The following SORCS1 variants were observed in gnomAD, a reference collection of about 807,000 sequenced individuals.
SORCS1 encodes sortilin related VPS10 domain containing receptor 1, also known as VPS10 domain-containing receptor SorCS1.
A neutral mutation model predicts 146.1 loss-of-function variants in SORCS1; 60 were observed. The ratio of observed to expected loss-of-function variants is 0.41; its 90% CI spans 0.33 to 0.51. The LOEUF (loss-of-function observed/expected upper bound fraction) is 0.51, where lower values mean the gene tolerates loss of function less well. Ranked by LOEUF, SORCS1 falls within the 20% of genes least tolerant of loss-of-function variation. The pLI is 0.21. For missense variants in SORCS1, 1,352 were observed against 1,487.6 expected (o/e 0.91, Z 1.50); for synonymous variants, 637 against 584.0 (o/e 1.09, Z -1.31).
At chr10:106,695,532 CT>C (rs1853630039) in intron 9 of SORCS1, among the ~76,000 whole-genome samples, 1 of 152,282 alleles carries the variant, frequency 6.6e-6, no homozygotes, top group Non-Finnish European at 1.5e-5. Context: ...TCTTTGCGGT[CT>C]TGCAAAAGTT....
chr10:106,917,648 T>C (rs1447851793), intron 2 of SORCS1, among the ~76,000 whole-genome samples: 1 of 152,162 alleles, frequency 6.6e-6, no homozygotes, highest in Non-Finnish European at 1.5e-5. Flanking sequence ...AAGGAAAATG[T>C]TTCCAGACAC....
intron 1 of SORCS1, among the ~76,000 whole-genome samples, chr10:106,983,105 AG>A (rs1956302785): frequency 7.5e-6 from 1 of 134,168 alleles, no homozygotes; most frequent in African/African-American, 2.7e-5. Flanking sequence ...ATCTCAGAGG[AG>A]GTTATATATA....
intron 2 of SORCS1, among the ~76,000 whole-genome samples, chr10:106,926,854 CACACACACACACAGAGAGAGAG>C (rs1953056886): frequency 9.5e-6 from 1 of 104,944 alleles, no homozygotes; most frequent in East Asian, 2.4e-4. Flanking sequence ...CACACACACA[CACACACACACACAGAGAGAGAG>C]AGAGAGAGAG....
intron 19 of SORCS1, among the ~76,000 whole-genome samples, chr10:106,623,595 T>C (rs979371212): frequency 2.0e-5 from 3 of 152,134 alleles, no homozygotes; most frequent in Non-Finnish European, 2.9e-5. Context: ...CTATATGTCA[T>C]TGTCTCAATG....
chr10:106,602,195 A>C (rs1234082417), intron 23 of SORCS1, among the ~76,000 whole-genome samples: 1 of 152,202 alleles, frequency 6.6e-6, no homozygotes, highest in Non-Finnish European at 1.5e-5. Flanking sequence ...ATTAATGGCA[A>C]AGCTACACTG....
rs1969952806 is a variant in SORCS1, at chr10:107,164,393, G to C, written c.134C>G (p.Ser45Cys). ...GSCCPSPHPS[S>C]APRSASTPRG... ...AGGGGTCGAGGCCGAGCGTGGAGCG[G>C]AGCTGGGGTGCGGCGAGGGGCAGCA... Residue 45 changes from serine to cysteine, a missense_variant, in exon 1 of 26, where the codon TCC (serine) becomes TGC (cysteine). Around this residue, in one of 3 missense-constraint regions of SORCS1, gnomAD observed 490 missense variants for 489.1 expected, o/e 1.00. Transcript: ENST00000263054. This position sits in a 1 kb window ranked among gnomAD's most constrained non-coding sequence, Gnocchi z 6.8. 1 of 1,438,086 alleles carries C rather than the reference G, an allele frequency of 7.0e-7. No homozygotes were observed. The highest frequency in any genetic ancestry group is 1.4e-5 in the African/African-American group (1 of 69,378). The allele number at this position is 1,438,086 out of a possible 1,614,324, so 89.1% of individuals were successfully genotyped here.
At chr10:106,660,960 G>C (rs534362191) in intron 17 of SORCS1, among the ~76,000 whole-genome samples, 1 of 152,114 alleles carries the variant, frequency 6.6e-6, no homozygotes, top group East Asian at 1.9e-4. Flanking sequence ...AGATTATCTT[G>C]GTTTCTTAGA....
chr10:107,055,168 C>G (rs1467146971), intron 1 of SORCS1, among the ~76,000 whole-genome samples: 1 of 152,168 alleles, frequency 6.6e-6, no homozygotes, highest in Admixed American at 6.5e-5. Flanking sequence ...GAAGAGCACA[C>G]CACATCACCT....
chr10:106,893,106 T>G (rs1224183958), intron 2 of SORCS1, among the ~76,000 whole-genome samples: 1 of 151,896 alleles, frequency 6.6e-6, no homozygotes, highest in Non-Finnish European at 1.5e-5. Flanking sequence ...TTTCACCATG[T>G]TGGCCAGGCT....
intron 3 of SORCS1, among the ~76,000 whole-genome samples, chr10:106,824,538 G>A (rs1382535544): frequency 3.3e-5 from 5 of 149,876 alleles, no homozygotes; most frequent in African/African-American, 7.4e-5. Flanking sequence ...GCAGTGAGCC[G>A]AGATTGTGCC....
At chr10:107,026,934 T>C (rs1443621377) in intron 1 of SORCS1, among the ~76,000 whole-genome samples, 2 of 151,490 alleles carry the variant, frequency 1.3e-5, no homozygotes, top group Non-Finnish European at 2.9e-5. Flanking sequence ...AAAGGGACTC[T>C]CTAATGCGTC....
chr10:106,738,880 G>C (rs538008003), intron 5 of SORCS1, among the ~76,000 whole-genome samples: 3 of 152,044 alleles, frequency 2.0e-5, no homozygotes, highest in African/African-American at 7.2e-5. Context: ...TAATCCCAGG[G>C]TCTCACTATA....
intron 2 of SORCS1, among the ~76,000 whole-genome samples, chr10:106,843,789 T>C (rs2137173546): frequency 6.6e-6 from 1 of 152,342 alleles, no homozygotes; most frequent in Non-Finnish European, 1.5e-5. Context: ...TAATACATTT[T>C]CTTTATCCAT....
At chr10:107,081,691 T>A (rs1963346286) in intron 1 of SORCS1, among the ~76,000 whole-genome samples, 1 of 149,236 alleles carries the variant, frequency 6.7e-6, no homozygotes, top group Admixed American at 6.6e-5. Context: ...AGAAAAAGAG[T>A]GAAAAAAAGC....
In SORCS1 at chr10:106,607,208, A is replaced by C; in HGVS notation, c.3123T>G (p.Asp1041Glu). The change falls in exon 23 of 26, where the codon GAT becomes GAG. Residue 1041 changes from aspartate (D) to glutamate (E), a missense_variant. By Grantham distance (45) the Asp-to-Glu change is conservative. Coordinates refer to ENST00000263054, the MANE Select transcript of SORCS1 (RefSeq NM_052918.5). ...TAELFVLPYQ[D>E]PAGENKRSTD... is the part of the protein sequence containing the mutation. ...TTGACCTTTTGTTTTCTCCAGCTGG[A>C]TCCTGATAGGGTAGGACAAAGAGTT... 1.9e-6 allele frequency: 3 copies of C among 1,614,100 alleles called. No homozygotes were observed. Among genetic ancestry groups the C allele is most frequent in the Non-Finnish European group, 2.5e-6 (3 of 1,179,966 alleles).
chr10:106,621,267 T>G lies in SORCS1; in HGVS notation c.2663-706A>C, dbSNP rs12414295. 5.5e-3 allele frequency among the ~76,000 whole-genome samples: 837 copies of G among 152,252 alleles called. 19 individuals carry two copies. Among genetic ancestry groups the G allele is most frequent in the Admixed American group, 0.039 (590 of 15,290 alleles). On this transcript the variant is annotated intron_variant, in intron 19 of 25. Coordinates refer to ENST00000263054, the MANE Select transcript of SORCS1 (RefSeq NM_052918.5). The stretch of plus-strand genomic sequence containing the variant: ...TGTACCAACCTCACAAAGATATGAA[T>G]GCCCTCTTCATAAAGAACCACTAGG...
chr10:107,152,545 T>A (rs1339926682), intron 1 of SORCS1, among the ~76,000 whole-genome samples: 1 of 151,998 alleles, frequency 6.6e-6, no homozygotes, highest in African/African-American at 2.4e-5. Context: ...ATCATGGGAG[T>A]GGCTACCTCC....
At chr10:106,647,316 G>A (rs1849521847) in intron 18 of SORCS1, among the ~76,000 whole-genome samples, 1 of 149,722 alleles carries the variant, frequency 6.7e-6, no homozygotes, top group Non-Finnish European at 1.5e-5. Flanking sequence ...TTGTTTTCTG[G>A]GTAGTGCTAT....
chr10:106,634,331 C>T (rs1016832437), intron 18 of SORCS1, among the ~76,000 whole-genome samples: 7 of 152,172 alleles, frequency 4.6e-5, no homozygotes, highest in Admixed American at 6.5e-5. Flanking sequence ...GAAAGTTGCA[C>T]ATTTCTATTG....
Sources: gnomAD v4.1 joint callset for allele counts (sites outside exome capture counted in the v4.1 genomes callset) on GRCh38, gnomAD v4.1.1 for gene constraint, gnomAD v4.1.1 regional missense constraint, Gnocchi (gnomAD v3.1) non-coding constraint, MANE v1.5 for transcripts, NCBI Gene and HGNC (gene_info 2026-07-23, HGNC 2026-07-21) for gene names.